SCARF1: variants seen among roughly 807,000 people sequenced by gnomAD.
SCARF1 encodes acetyl LDL receptor.
A neutral mutation model predicts 76.3 loss-of-function variants in SCARF1; 49 were observed. That is an observed-to-expected ratio of 0.64 (90% CI 0.51 to 0.81). SCARF1 has a LOEUF of 0.81. Ranked by LOEUF, SCARF1 falls within the 40% of genes least tolerant of loss-of-function variation. The pLI is 0.00. For synonymous variants in SCARF1, 495 were observed against 474.6 expected (o/e 1.04, Z -0.56); for missense variants, 1,098 against 1,143.9 (o/e 0.96, Z 0.58).
chr17:1,637,104 C>T (rs941962151), intron 8 of SCARF1, 42 bp from the exon 9 acceptor site: 1 of 1,599,250 alleles, frequency 6.3e-7, no homozygotes, highest in African/African-American at 1.3e-5. Flanking sequence ...ACATGAGACC[C>T]ACGGTGACCT....
Position 1,645,468 on chromosome 17 carries a change from C to T in SCARF1, c.101+129G>A. 1 of 1,525,278 alleles carries T rather than the reference C, an allele frequency of 6.6e-7. No homozygotes were observed. The highest frequency in any genetic ancestry group is 8.8e-7 in the Non-Finnish European group (1 of 1,142,420). 94.5% of individuals were successfully genotyped at this position (1,525,278 alleles called of 1,614,324 possible). ...CCAGACCGCCATCAGCAGTCCCTTC[C>T]TTTCAGCCTAAGCCCCCTTCCTAGT... is the stretch of plus-strand genomic sequence containing the variant. On this transcript the variant is annotated intron_variant, in intron 1 of 10. Transcript: ENST00000263071. The surrounding 1 kb of genome is among the most constrained non-coding windows in gnomAD (Gnocchi z 6.3).
rs1336711348 is a variant in SCARF1 at position 1,645,657 on chromosome 17, G to A, written c.41C>T (p.Thr14Ile). ...GLLLPLLLLW[T>I]RGTQGSELDP... ...CAGCTCGGACCCCTGAGTCCCCCGA[G>A]TCCAGAGCAGCAGCAGCGGGAGCAG... The change falls in exon 1 of 11, where the codon ACT (threonine) becomes ATT (isoleucine). Residue 14 changes from threonine to isoleucine, a missense_variant. By Grantham distance (89) the Thr-to-Ile change is moderately conservative. Coordinates refer to ENST00000263071, the MANE Select transcript of SCARF1 (RefSeq NM_003693.4). This position sits in a 1 kb window ranked among gnomAD's most constrained non-coding sequence, Gnocchi z 6.3. 6.2e-7 allele frequency: 1 copy of A among 1,608,314 alleles called. No individual in the cohort carries two copies. Among genetic ancestry groups the A allele is most frequent in the Non-Finnish European group, 8.5e-7 (1 of 1,179,292 alleles).
intron 8 of SCARF1, among the ~76,000 whole-genome samples, 173 bp from the exon 9 acceptor site, chr17:1,637,235 CAA>C (rs962954434): frequency 2.0e-5 from 3 of 152,146 alleles, no homozygotes; most frequent in African/African-American, 4.8e-5. Context: ...TGCCACAGAA[CAA>C]AGAGTGGCTC....
intron 4 of SCARF1, among the ~76,000 whole-genome samples, chr17:1,643,070 C>T (rs1259351723): frequency 6.6e-6 from 1 of 152,084 alleles, no homozygotes; most frequent in Non-Finnish European, 1.5e-5. Context: ...GCCCTGACCC[C>T]TCCTCCCGGC....
chr17:1,645,675 G>A lies in SCARF1; in HGVS notation c.23C>T (p.Pro8Leu), dbSNP rs200018599. MGLGLLL[P>L]LLLLWTRGTQ... Reference sequence around the variant, plus strand: ...CCCCCGAGTCCAGAGCAGCAGCAGCGGGAGCAGCAGCCCCAGCCCCATGGC... The same window carrying A: ...CCCCCGAGTCCAGAGCAGCAGCAGCAGGAGCAGCAGCCCCAGCCCCATGGC... The change falls in exon 1 of 11, where the codon CCG (proline) becomes CTG (leucine). Residue 8 changes from proline (P) to leucine (L), a missense_variant. Physicochemically the swap from Pro to Leu is moderately conservative, Grantham distance 98. Coordinates refer to ENST00000263071, the MANE Select transcript of SCARF1 (RefSeq NM_003693.4). The surrounding 1 kb of genome is among the most constrained non-coding windows in gnomAD (Gnocchi z 6.3). 4.1e-5 allele frequency: 66 copies of A among 1,602,506 alleles called. No individual in the cohort carries two copies. In the Middle Eastern group the frequency reaches 1.2e-3, roughly 28 times the overall value.
rs1409221528 is a variant in SCARF1 at position 1,635,460 on chromosome 17, C to T, written c.1791G>A (p.Lys597=). The change falls in exon 11 of 11, where the codon AAG becomes AAA. Residue 597 remains lysine (K), a synonymous_variant. Transcript: ENST00000263071. The stretch of plus-strand genomic sequence containing the variant: ...AGCTTCGGCGACTCTGTGGTGCAAA[C>T]TTGGTACCTTCCGCGAAGGAGACCG... ...RPSVSFAEGT[K]FAPQSRRSSG... The T allele has an allele frequency of 1.2e-6, 2 of 1,614,096 alleles. No individual in the cohort carries two copies. Among genetic ancestry groups the T allele is most frequent in the South Asian group, 1.1e-5 (1 of 91,088 alleles).
chr17:1,638,743 G>C (rs1301348408), intron 8 of SCARF1, 63 bp downstream of exon 8: 2 of 1,366,628 alleles, frequency 1.5e-6, no homozygotes, highest in Admixed American at 4.9e-5. Flanking sequence ...AAGGAAACCA[G>C]ATGCCCCCCT....
Position 1,640,030 on chromosome 17 carries a change from G to A in SCARF1, c.1021C>T (p.Pro341Ser). The change falls in exon 6 of 11, where the codon CCC (proline) becomes TCC (serine). Residue 341 changes from proline to serine, a missense_variant. Coordinates refer to ENST00000263071, the MANE Select transcript of SCARF1 (RefSeq NM_003693.4). This position sits in a 1 kb window ranked among gnomAD's most constrained non-coding sequence, Gnocchi z 4.7. ...PGWLGPRCED[P>S]CPTGTFGEDC... ...TCCCCAAAGGTACCAGTGGGGCAGG[G>A]GTCTTCACACCTGGGGTGAGGCAAG... The A allele has an allele frequency of 3.1e-6, 5 of 1,613,624 alleles. No homozygotes were observed. The highest frequency in any genetic ancestry group is 4.2e-6 in the Non-Finnish European group (5 of 1,179,942).
chr17:1,636,444 TCTC>T (rs1909565166), intron 10 of SCARF1, among the ~76,000 whole-genome samples: 1 of 151,964 alleles, frequency 6.6e-6, no homozygotes, highest in Non-Finnish European at 1.5e-5. Flanking sequence ...TGAAACCCGG[TCTC>T]TACTAAAATA....
intron 7 of SCARF1, among the ~76,000 whole-genome samples, chr17:1,639,128 C>T (rs780925310): frequency 2.0e-5 from 3 of 152,216 alleles, no homozygotes; most frequent in Non-Finnish European, 2.9e-5. Context: ...GCCCATTTCA[C>T]GGCTCTAGCC....
At position 1,640,165 on chromosome 17, in the gene SCARF1, G is replaced by C; in HGVS notation, c.1011-125C>G. The C allele has an allele frequency of 1.2e-5, 14 of 1,185,886 alleles. No individual in the cohort carries two copies. Among genetic ancestry groups the C allele is most frequent in the Non-Finnish European group, 1.6e-5 (14 of 852,912 alleles). 73.5% of individuals were successfully genotyped at this position (1,185,886 alleles called of 1,614,324 possible). A position where few individuals can be genotyped will look rare whatever the true frequency, so the allele number is the denominator to read the frequency against. ...CAACTGGCCACTCCTCAGCAGTGAAGCTCAGGTGCAAATAGGGCCTTGAAC... is the reference window on the plus strand; with the variant it reads ...CAACTGGCCACTCCTCAGCAGTGAACCTCAGGTGCAAATAGGGCCTTGAAC... On this transcript the variant is annotated intron_variant, in intron 5 of 10. Transcript: ENST00000263071. The surrounding 1 kb of genome is among the most constrained non-coding windows in gnomAD (Gnocchi z 4.7).
chr17:1,639,560 TGAGGAACTTGCCCTG>T (rs945181296), intron 7 of SCARF1, 64 bp downstream of exon 7: 28 of 927,854 alleles, frequency 3.0e-5, no homozygotes, highest in Non-Finnish European at 4.7e-5. Flanking sequence ...GACTCCCTGG[TGAGGAACTTGCCCTG>T]GAGCCCATGT....
Position 1,643,930 on chromosome 17 carries a change from C to A in SCARF1, c.303G>T (p.Glu101Asp). ...PGQYWGPDCRESCPCHPHGQC... is the reference protein window; with the variant it reads ...PGQYWGPDCRDSCPCHPHGQC... Reference sequence around the variant, plus strand: ...GGCCGTGCGGGTGGCAGGGGCAGCTCTCACGGCAGTCGGGGCCCCAGTACT... The same window carrying A: ...GGCCGTGCGGGTGGCAGGGGCAGCTATCACGGCAGTCGGGGCCCCAGTACT... The change falls in exon 4 of 11, where the codon GAG becomes GAT. Residue 101 changes from glutamate to aspartate, a missense_variant. Transcript: ENST00000263071. 7.4e-7 allele frequency: 1 copy of A among 1,353,208 alleles called. No homozygotes were observed. The highest frequency in any genetic ancestry group is 9.5e-7 in the Non-Finnish European group (1 of 1,055,452). 83.8% of individuals were successfully genotyped at this position (1,353,208 alleles called of 1,614,324 possible). A position where few individuals can be genotyped will look rare whatever the true frequency, so the allele number is the denominator to read the frequency against.
Position 1,640,308 on chromosome 17 carries a change from C to T in SCARF1, c.1010+140G>A. The T allele has an allele frequency of 1.2e-6, 1 of 867,556 alleles. No individual in the cohort carries two copies. The allele number at this position is 867,556 out of a possible 1,614,324, so 53.7% of individuals were successfully genotyped here. ...AGGCCCCCCCAGAACCCACTGCTCT[C>T]CCCCAGTCTTCAACAGGAGGGAGGC... On this transcript the variant is annotated intron_variant, in intron 5 of 10. Transcript: ENST00000263071. The surrounding 1 kb of genome is among the most constrained non-coding windows in gnomAD (Gnocchi z 4.7).
In SCARF1 at chr17:1,636,812, G is replaced by A. The variant is rs34849297; in HGVS notation, c.1530C>T (p.Ile510=). ...TGGCCCAGCCGGCAGAGGGCGGCTC[G>A]ATGAAGCTGTGGTTGAAGGGGACCT... ...DPEVPFNHSF[I]EPPSAGWATD... is the part of the protein sequence containing the mutation. Residue 510 remains isoleucine, a synonymous_variant, in exon 10 of 11, where the codon ATC becomes ATT. Transcript: ENST00000263071. The A allele has an allele frequency of 0.14, 218,832 of 1,613,768 alleles. 16,521 individuals are homozygous for A. The highest frequency in any genetic ancestry group is 0.16 in the Non-Finnish European group (188,281 of 1,179,896).
chr17:1,636,169 T>G (rs1240526482), intron 10 of SCARF1, among the ~76,000 whole-genome samples: 2 of 152,198 alleles, frequency 1.3e-5, no homozygotes, highest in African/African-American at 4.8e-5. Flanking sequence ...CCAACATGGC[T>G]AGCAAATGAG....
rs72522019 is a variant in SCARF1 at position 1,637,327 on chromosome 17, C to CCTAT, written c.1365-269_1365-266dup. Among the ~76,000 whole-genome samples, 825 of 111,194 alleles carry CCTAT rather than the reference C, an allele frequency of 7.4e-3. 12 individuals carry two copies. Among genetic ancestry groups the CCTAT allele is most frequent in the African/African-American group, 0.03 (745 of 24,984 alleles). The allele number at this position is 111,194 out of a possible 152,430, so 72.9% of individuals were successfully genotyped here. A position where few individuals can be genotyped will look rare whatever the true frequency, so the allele number is the denominator to read the frequency against. ...CAGTTTCCGCATCTGTAAAACAGAT[C>CCTAT]CTATCTATCTATCTATCTATCTATC... On this transcript the variant is annotated intron_variant, in intron 8 of 10. Transcript: ENST00000263071.
At chr17:1,637,877 AG>A (rs1363635990) in intron 8 of SCARF1, among the ~76,000 whole-genome samples, 1 of 152,166 alleles carries the variant, frequency 6.6e-6, no homozygotes, top group African/African-American at 2.4e-5. Flanking sequence ...TTCCTCCAAC[AG>A]CCTTTGCACC....
chr17:1,641,947 C>T lies in SCARF1; in HGVS notation c.792-1281G>A, dbSNP rs548372581. ...ATGTTAGCCAGGCTGGTCTCGAACT[C>T]CTGACCTCAGGTGATCCGCCCGCCT... On this transcript the variant is annotated intron_variant, in intron 4 of 10. Coordinates refer to ENST00000263071, the MANE Select transcript of SCARF1 (RefSeq NM_003693.4). 1.7e-4 allele frequency among the ~76,000 whole-genome samples: 26 copies of T among 152,026 alleles called. 1 individual carries two copies. The East Asian group carries it at 5.0e-3, about 29-fold the overall frequency.
Sources: allele counts gnomAD v4.1 joint callset (sites outside exome capture counted in the v4.1 genomes callset), GRCh38; gene constraint gnomAD v4.1.1; non-coding constraint Gnocchi (gnomAD v3.1); transcripts MANE v1.5; gene names NCBI Gene and HGNC (gene_info 2026-07-23, HGNC 2026-07-21).